SCAPER: variants seen among roughly 807,000 people sequenced by gnomAD.
The protein encoded by SCAPER is S-phase cyclin A associated protein in the ER.
Under a neutral mutation model 182.2 loss-of-function variants are expected in SCAPER, and 98 were observed. The ratio of observed to expected loss-of-function variants is 0.54; its 90% CI spans 0.46 to 0.64. The LOEUF is 0.64. Ranked by LOEUF, SCAPER falls within the 30% of genes least tolerant of loss-of-function variation. The pLI is 0.00. For missense variants in SCAPER, 1,432 were observed against 1,690.0 expected, an observed-to-expected ratio of 0.85 and a Z score of 2.68; for synonymous variants, 605 against 564.6, an observed-to-expected ratio of 1.07 and a Z score of -1.01.
chr15:76,743,199 A>G (rs774123566), intron 15 of SCAPER, among the ~76,000 whole-genome samples: 23 of 152,120 alleles, frequency 1.5e-4, no homozygotes, highest in Non-Finnish European at 3.4e-4. Context: ...ATGATAATAA[A>G]AATACTTTTG....
chr15:76,652,341 T>TACACAC (rs1567706982), intron 21 of SCAPER, among the ~76,000 whole-genome samples: 2 of 7,328 alleles, frequency 2.7e-4, no homozygotes, highest in Non-Finnish European at 5.9e-4. Context: ...CATACACATA[T>TACACAC]ATACACACAC....
At chr15:76,601,203 A>C (rs2049911176) in intron 22 of SCAPER, among the ~76,000 whole-genome samples, 2 of 121,816 alleles carry the variant, frequency 1.6e-5, no homozygotes, top group African/African-American at 5.0e-5. Context: ...TTCTCCATCT[A>C]ATGATACGTA....
chr15:76,723,431 T>C (rs1263882003), intron 17 of SCAPER, among the ~76,000 whole-genome samples: 2 of 152,224 alleles, frequency 1.3e-5, no homozygotes, highest in South Asian at 2.1e-4. Context: ...GAGAGTTCTG[T>C]AGATGTCTAT....
intron 17 of SCAPER, among the ~76,000 whole-genome samples, chr15:76,727,414 C>T (rs764668083): frequency 2.4e-4 from 37 of 151,958 alleles, no homozygotes; most frequent in Non-Finnish European, 4.4e-4. Context: ...TGGACCAGAA[C>T]ACAACAGTCC....
At chr15:76,645,929 G>A (rs2054508762) in intron 21 of SCAPER, among the ~76,000 whole-genome samples, 1 of 152,056 alleles carries the variant, frequency 6.6e-6, no homozygotes, top group East Asian at 1.9e-4. Flanking sequence ...TGTAATATTT[G>A]TTAAAACTTA....
At chr15:76,776,760 T>C (rs761648858) in intron 8 of SCAPER, among the ~76,000 whole-genome samples, 1 of 151,952 alleles carries the variant, frequency 6.6e-6, no homozygotes, top group Admixed American at 6.6e-5. Flanking sequence ...ATAAAACCGG[T>C]AGGAGGAAAG....
chr15:76,351,357 A>C, intron 30 of SCAPER, 69 bp from the exon 31 acceptor site: 1 of 1,402,442 alleles, frequency 7.1e-7, no homozygotes, highest in Non-Finnish European at 9.7e-7. Flanking sequence ...GGGTGGCTTT[A>C]AATATACTTC....
At position 76,504,874 on chromosome 15, in the gene SCAPER, A is replaced by G; in HGVS notation, c.2939T>C (p.Leu980Ser). The G allele has an allele frequency of 1.2e-6, 2 of 1,608,860 alleles. No homozygotes were observed. Among genetic ancestry groups the G allele is most frequent in the Non-Finnish European group, 1.7e-6 (2 of 1,178,256 alleles). Residue 980 changes from leucine to serine, a missense_variant, in exon 24 of 32, where the codon TTA becomes TCA. Physicochemically the swap from Leu to Ser is moderately radical, Grantham distance 145. This residue lies in a region of SCAPER where 718 missense variants were observed against 799.7 expected (regional missense o/e 0.90). Coordinates refer to ENST00000563290, the MANE Select transcript of SCAPER (RefSeq NM_020843.4). ...CTATACTTACTTAGGAGGAATTCTTAAAACTGTGTTCACATTTGTGGCTGG... is the reference window on the plus strand; with the variant it reads ...CTATACTTACTTAGGAGGAATTCTTGAAACTGTGTTCACATTTGTGGCTGG... ...VVPATNVNTVLRIPPKSLCNA... is the reference protein window; with the variant it reads ...VVPATNVNTVSRIPPKSLCNA...
intron 15 of SCAPER, among the ~76,000 whole-genome samples, chr15:76,737,550 T>G (rs895955292): frequency 6.6e-6 from 1 of 152,362 alleles, no homozygotes; most frequent in African/African-American, 2.4e-5. Flanking sequence ...TTAAGGAGCA[T>G]TGGCTTCAAC....
intron 20 of SCAPER, among the ~76,000 whole-genome samples, chr15:76,672,738 G>A (rs1207945959): frequency 2.0e-5 from 3 of 152,100 alleles, no homozygotes; most frequent in African/African-American, 7.2e-5. Flanking sequence ...TCTTGACAAA[G>A]TAAATCAAAG....
At chr15:76,731,426 G>C (rs2060916113) in intron 16 of SCAPER, among the ~76,000 whole-genome samples, 1 of 152,180 alleles carries the variant, frequency 6.6e-6, no homozygotes, top group South Asian at 2.1e-4. Flanking sequence ...AGCAAACTGA[G>C]AATATATGAT....
chr15:76,856,824 G>T (rs1198544351), intron 4 of SCAPER, among the ~76,000 whole-genome samples: 2 of 151,802 alleles, frequency 1.3e-5, no homozygotes, highest in Non-Finnish European at 2.9e-5. Flanking sequence ...AGCTCTGATT[G>T]TACCACCGTA....
chr15:76,464,168 C>T (rs2049410691), intron 25 of SCAPER, among the ~76,000 whole-genome samples: 1 of 151,914 alleles, frequency 6.6e-6, no homozygotes, highest in Admixed American at 6.6e-5. Flanking sequence ...AACAACTCTG[C>T]TTCCCCCTCC....
At chr15:76,814,570 A>G (rs573422381) in intron 5 of SCAPER, among the ~76,000 whole-genome samples, 25 of 152,334 alleles carry the variant, frequency 1.6e-4, no homozygotes, top group African/African-American at 6.0e-4. Flanking sequence ...ATGTAAAAGA[A>G]GGAACTAGAC....
chr15:76,649,244 C>T (rs979765454), intron 21 of SCAPER, among the ~76,000 whole-genome samples: 1 of 152,112 alleles, frequency 6.6e-6, no homozygotes, highest in Non-Finnish European at 1.5e-5. Flanking sequence ...AATGACGTCA[C>T]TTCAATAGTC....
At chr15:76,809,478 T>C (rs146369919) in intron 5 of SCAPER, among the ~76,000 whole-genome samples, 459 of 151,922 alleles carry the variant, frequency 3.0e-3, no homozygotes, top group Non-Finnish European at 5.2e-3. Context: ...AAAATTTTAA[T>C]ATAGGGGTTA....
At position 76,597,350 on chromosome 15, in the gene SCAPER, A is replaced by G. The variant is rs2049588682; in HGVS notation, c.2712-23066T>C. On this transcript the variant is annotated intron_variant, in intron 22 of 31. Coordinates refer to ENST00000563290, the MANE Select transcript of SCAPER (RefSeq NM_020843.4). ...ACATTCCATGCTAATGGATAGGAAG[A>G]ATCAAATCATGAAAATGGCCACACT... is the stretch of plus-strand genomic sequence containing the variant. Among the ~76,000 whole-genome samples, 2 of 122,572 alleles carry G rather than the reference A, an allele frequency of 1.6e-5. 1 individual carries two copies. Among genetic ancestry groups the G allele is most frequent in the Admixed American group, 1.8e-4 (2 of 10,866 alleles). 80.4% of individuals were successfully genotyped at this position (122,572 alleles called of 152,430 possible). A position where few individuals can be genotyped will look rare whatever the true frequency, so the allele number is the denominator to read the frequency against.
At chr15:76,846,136 TATCTGTATGC>T (rs1455720470) in intron 4 of SCAPER, among the ~76,000 whole-genome samples, 8 of 152,140 alleles carry the variant, frequency 5.3e-5, no homozygotes, top group African/African-American at 1.9e-4. Context: ...GAAAACCGGA[TATCTGTATGC>T]AGAAGAATGA....
chr15:76,493,072 C>T (rs1050617801), intron 24 of SCAPER, among the ~76,000 whole-genome samples: 2 of 151,992 alleles, frequency 1.3e-5, no homozygotes, highest in African/African-American at 4.8e-5. Flanking sequence ...GGAGAACCAC[C>T]ATGCTGCAAT....
Sources: gnomAD v4.1 joint callset for allele counts (sites outside exome capture counted in the v4.1 genomes callset) on GRCh38, gnomAD v4.1.1 for gene constraint, gnomAD v4.1.1 regional missense constraint, MANE v1.5 for transcripts, NCBI Gene and HGNC (gene_info 2026-07-23, HGNC 2026-07-21) for gene names.